Variants in NTM observed in about 807,000 individuals in gnomAD.
NTM encodes neurotrimin.
NTM carries 13 observed loss-of-function variants against 42.1 expected under a neutral mutation model. The ratio of observed to expected loss-of-function variants is 0.31; its 90% CI spans 0.20 to 0.49. The LOEUF (loss-of-function observed/expected upper bound fraction) is 0.49, where lower values mean the gene tolerates loss of function less well. Ranked by LOEUF, NTM falls within the 20% of genes least tolerant of loss-of-function variation. The probability of loss-of-function intolerance (pLI) is 0.99; values close to 1 mark genes in which losing one functional copy is unlikely to be tolerated. For missense variants in NTM, 373 were observed against 452.8 expected (o/e 0.82, Z 1.60); for synonymous variants, 187 against 179.2 (o/e 1.04, Z -0.35).
chr11:132,108,404 C>G (rs2062693963), intron 2 of NTM, among the ~76,000 whole-genome samples: 1 of 152,046 alleles, frequency 6.6e-6, no homozygotes. Context: ...GAATTGGAGG[C>G]CATTATTTTA....
At chr11:131,413,157 G>T (rs982576508) in intron 1 of NTM, among the ~76,000 whole-genome samples, 2 of 152,198 alleles carry the variant, frequency 1.3e-5, no homozygotes, top group African/African-American at 4.8e-5. Flanking sequence ...AGAGTCAGGT[G>T]CCAGAATAGA....
chr11:131,774,583 T>C (rs1023454898), intron 1 of NTM, among the ~76,000 whole-genome samples: 1 of 152,160 alleles, frequency 6.6e-6, no homozygotes, highest in Non-Finnish European at 1.5e-5. Flanking sequence ...AGTGTAAGAT[T>C]TTTTGGCTCC....
chr11:132,143,116 A>G (rs1159097027), intron 2 of NTM, among the ~76,000 whole-genome samples: 1 of 152,120 alleles, frequency 6.6e-6, no homozygotes, highest in Non-Finnish European at 1.5e-5. Flanking sequence ...GTTACAGGAA[A>G]GTTCTCTCCT....
chr11:131,617,634 G>T (rs572828524), intron 1 of NTM, among the ~76,000 whole-genome samples: 77 of 152,268 alleles, frequency 5.1e-4, no homozygotes, highest in African/African-American at 1.8e-3. Context: ...GCTTTAATGT[G>T]TCCAAGCGTT....
At chr11:132,038,702 C>T (rs2076806064) in intron 2 of NTM, among the ~76,000 whole-genome samples, 1 of 152,214 alleles carries the variant, frequency 6.6e-6, no homozygotes, top group Admixed American at 6.5e-5. Flanking sequence ...GCCCTGGCAA[C>T]AGTGTGCTGA....
chr11:131,506,050 T>C (rs1013809812), intron 1 of NTM, among the ~76,000 whole-genome samples: 3 of 152,124 alleles, frequency 2.0e-5, no homozygotes, highest in Non-Finnish European at 2.9e-5. Flanking sequence ...ACTCCGGGAA[T>C]GGAGTTAGGA....
At chr11:131,755,369 A>T (rs1213998311) in intron 1 of NTM, among the ~76,000 whole-genome samples, 1 of 152,058 alleles carries the variant, frequency 6.6e-6, no homozygotes, top group African/African-American at 2.4e-5. Context: ...GAGAACAATG[A>T]CCTTCCCCTT....
At chr11:131,789,531 AAG>A (rs2090204416) in intron 1 of NTM, among the ~76,000 whole-genome samples, 1 of 28,230 alleles carries the variant, frequency 3.5e-5, no homozygotes, top group Admixed American at 4.7e-4. Context: ...GAAGAAGAAG[AAG>A]AAGAAGAAGA....
chr11:131,628,179 G>C (rs1407669343), intron 1 of NTM, among the ~76,000 whole-genome samples: 1 of 152,164 alleles, frequency 6.6e-6, no homozygotes, highest in African/African-American at 2.4e-5. Flanking sequence ...AACACAGAGG[G>C]AGGATGTGAG....
chr11:132,299,794 C>G (rs925211862), intron 4 of NTM, among the ~76,000 whole-genome samples: 11 of 152,154 alleles, frequency 7.2e-5, no homozygotes. Flanking sequence ...TCCTATGAAA[C>G]ATCTTTTAAA....
intron 2 of NTM, among the ~76,000 whole-genome samples, chr11:131,995,067 G>T: frequency 6.6e-6 from 1 of 152,110 alleles, no homozygotes; most frequent in East Asian, 1.9e-4. Flanking sequence ...GCCTGCCTTA[G>T]ATCCCCCTGT....
At chr11:131,968,965 C>G (rs971956693) in intron 2 of NTM, among the ~76,000 whole-genome samples, 1 of 152,182 alleles carries the variant, frequency 6.6e-6, no homozygotes, top group Non-Finnish European at 1.5e-5. Flanking sequence ...GATGCTACCT[C>G]TATACCTGAA....
chr11:131,600,406 T>C (rs1477001654), intron 1 of NTM, among the ~76,000 whole-genome samples: 10 of 152,226 alleles, frequency 6.6e-5, no homozygotes, highest in African/African-American at 2.2e-4. Flanking sequence ...GTCCTGTCTA[T>C]AGGAAAATGT....
At chr11:131,373,026 T>C (rs1237053298) in intron 1 of NTM, among the ~76,000 whole-genome samples, 4 of 152,178 alleles carry the variant, frequency 2.6e-5, no homozygotes, top group Non-Finnish European at 2.9e-5. Context: ...TTATTTGTGC[T>C]ACCCTCACCC....
intron 1 of NTM, among the ~76,000 whole-genome samples, chr11:131,761,708 C>T (rs193108233): frequency 5.3e-5 from 8 of 152,066 alleles, no homozygotes; most frequent in Non-Finnish European, 7.4e-5. Context: ...ACTCAGGTGG[C>T]TGGGGCAGGG....
chr11:131,854,290 A>C (rs565061256), intron 1 of NTM, among the ~76,000 whole-genome samples: 4 of 152,354 alleles, frequency 2.6e-5, no homozygotes, highest in African/African-American at 9.6e-5. Context: ...TTCTTCCTTT[A>C]GGGAGCTACC....
At chr11:131,743,123 G>A (rs922811280) in intron 1 of NTM, among the ~76,000 whole-genome samples, 1 of 152,070 alleles carries the variant, frequency 6.6e-6, no homozygotes, top group Non-Finnish European at 1.5e-5. Context: ...CTCAACAAAA[G>A]TTGGGACTTT....
intron 1 of NTM, among the ~76,000 whole-genome samples, chr11:131,715,025 C>A (rs549709155): frequency 6.6e-6 from 1 of 152,264 alleles, no homozygotes; most frequent in East Asian, 1.9e-4. Context: ...TCTGTTTGTG[C>A]CTGAAATTGT....
At chr11:131,399,232 C>G (rs919415835) in intron 1 of NTM, among the ~76,000 whole-genome samples, 7 of 152,100 alleles carry the variant, frequency 4.6e-5, no homozygotes, top group Admixed American at 3.3e-4. Flanking sequence ...GTCCATGGGT[C>G]CATAGTTATC....
Sources: allele counts gnomAD v4.1 joint callset (sites outside exome capture counted in the v4.1 genomes callset), GRCh38; gene constraint gnomAD v4.1.1; transcripts MANE v1.5; gene names NCBI Gene and HGNC (gene_info 2026-07-23, HGNC 2026-07-21).